Variants in CDH26 observed in about 807,000 individuals in gnomAD.
CDH26 encodes the protein cadherin 26.
Under a neutral mutation model 90.3 loss-of-function variants are expected in CDH26, and 83 were observed. That is an observed-to-expected ratio of 0.92 (90% CI 0.77 to 1.10). The LOEUF is 1.10. CDH26 is among the 50% of genes least tolerant of loss of function. The pLI, the probability that CDH26 is intolerant of heterozygous loss-of-function variation, is 0.00. For synonymous variants in CDH26, 397 were observed against 396.3 expected (o/e 1.00, Z -0.02); for missense variants, 1,013 against 1,037.6 (o/e 0.98, Z 0.33).
chr20:60,002,524 A>T (rs2061690520), intron 15 of CDH26, among the ~76,000 whole-genome samples: 1 of 152,060 alleles, frequency 6.6e-6, no homozygotes, highest in Non-Finnish European at 1.5e-5. Flanking sequence ...CTAGGAGTGG[A>T]TGTGTGTCAT....
At position 59,996,039 on chromosome 20, in the gene CDH26, T is replaced by A. The variant is rs1269462088; in HGVS notation, c.1873T>A (p.Phe625Ile). The change falls in exon 12 of 18, where the codon TTT (phenylalanine) becomes ATT (isoleucine). Residue 625 changes from phenylalanine to isoleucine, a missense_variant. By Grantham distance (21) the Phe-to-Ile change is conservative. Transcript: ENST00000348616. ...VGALFPVCAA[F>I]VALAVALLFL... The stretch of plus-strand genomic sequence containing the variant: ...GGCCCTGTTCCCTGTCTGTGCAGCA[T>A]TTGTGGCTCTGGCAGGTCAGTGGTC... 6.2e-7 allele frequency: 1 copy of A among 1,613,112 alleles called. No homozygotes were observed. The highest frequency in any genetic ancestry group is 1.1e-5 in the South Asian group (1 of 91,034).
chr20:59,963,252 ATTTTT>A (rs11086689), intron 1 of CDH26, among the ~76,000 whole-genome samples: 1 of 122,938 alleles, frequency 8.1e-6, no homozygotes, highest in Non-Finnish European at 1.6e-5. Context: ...GTAGATAAGG[ATTTTT>A]TTTTTTTTTT....
At chr20:60,005,876 C>A (rs1476941881) in intron 16 of CDH26, among the ~76,000 whole-genome samples, 2 of 152,160 alleles carry the variant, frequency 1.3e-5, no homozygotes, top group South Asian at 2.1e-4. Flanking sequence ...AGCCTCCCCC[C>A]ACCTCCCTAA....
At chr20:59,988,767 C>A in intron 8 of CDH26, 137 bp from the exon 9 acceptor site, 1 of 891,344 alleles carries the variant, frequency 1.1e-6, no homozygotes, top group Non-Finnish European at 1.7e-6. Flanking sequence ...GTCTTTTGAT[C>A]ATTATCAAAG....
intron 7 of CDH26, among the ~76,000 whole-genome samples, chr20:60,025,461 A>G (rs1206965773): frequency 2.0e-5 from 3 of 152,112 alleles, no homozygotes; most frequent in Non-Finnish European, 4.4e-5. Context: ...ATCCCTTTCC[A>G]CTGACCTCAC....
At chr20:60,032,022 G>A (rs1161889698) in intron 8 of CDH26, among the ~76,000 whole-genome samples, 1 of 152,164 alleles carries the variant, frequency 6.6e-6, no homozygotes, top group Non-Finnish European at 1.5e-5. Context: ...CCTAAGAATA[G>A]TAAAGAAAAA....
intron 16 of CDH26, among the ~76,000 whole-genome samples, chr20:60,005,452 GTC>G (rs1569056677): frequency 1.2e-4 from 16 of 136,132 alleles, no homozygotes; most frequent in African/African-American, 5.4e-4. Context: ...GTGTATGTTT[GTC>G]TGTATATGTG....
Position 60,002,878 on chromosome 20 carries a change from T to G in CDH26, c.2220+12T>G. Reference sequence around the variant, plus strand: ...TACACTCTACTCCTGTAAGTATAGATGTAGGTGTTACCGTGAACAAATTTA... The same window carrying G: ...TACACTCTACTCCTGTAAGTATAGAGGTAGGTGTTACCGTGAACAAATTTA... On this transcript the variant is annotated intron_variant, in intron 16 of 17. Transcript: ENST00000348616. 6.4e-7 allele frequency: 1 copy of G among 1,552,248 alleles called. No individual in the cohort carries two copies. Among genetic ancestry groups the G allele is most frequent in the Non-Finnish European group, 8.8e-7 (1 of 1,140,606 alleles).
Position 59,996,013 on chromosome 20 carries a change from G to T in CDH26, c.1847G>T (p.Gly616Val). The T allele has an allele frequency of 1.9e-6, 3 of 1,613,966 alleles. No individual in the cohort carries two copies. Among genetic ancestry groups the T allele is most frequent in the Non-Finnish European group, 2.5e-6 (3 of 1,180,026 alleles). Residue 616 changes from glycine (G) to valine (V), a missense_variant, in exon 12 of 18, where the codon GGG (glycine) becomes GTG (valine). Physicochemically the swap from Gly to Val is moderately radical, Grantham distance 109 (BLOSUM62 -3). Coordinates refer to ENST00000348616, the MANE Select transcript of CDH26 (RefSeq NM_177980.4). ...GATGCAGAAGTGGGGCTTCATGTGG[G>T]GGCCCTGTTCCCTGTCTGTGCAGCA... ...LADAEVGLHVGALFPVCAAFV... is the reference protein window; with the variant it reads ...LADAEVGLHVVALFPVCAAFV...
chr20:59,961,313 G>A (rs932296130), intron 1 of CDH26, among the ~76,000 whole-genome samples: 1 of 152,106 alleles, frequency 6.6e-6, no homozygotes, highest in African/African-American at 2.4e-5. Context: ...GTGGGCAGTG[G>A]GAATGGGTCT....
In CDH26 at chr20:59,994,236, C is replaced by T. The variant is rs184426574; in HGVS notation, c.1427-14C>T. ...ACGAGATAAACAACTCCTGAAACTTCCTCCCCATACAAGGCTTCCCACCGC... is the reference window on the plus strand; with the variant it reads ...ACGAGATAAACAACTCCTGAAACTTTCTCCCCATACAAGGCTTCCCACCGC... On this transcript the variant is annotated splice_polypyrimidine_tract_variant and intron_variant, in intron 10 of 17. Transcript: ENST00000348616. The T allele has an allele frequency of 2.0e-5, 32 of 1,613,634 alleles. No individual in the cohort carries two copies. In the African/African-American group the frequency reaches 3.2e-4, roughly 16 times the overall value.
At chr20:60,012,381 C>A (rs2061856564) in intron 17 of CDH26, 146 bp from the exon 18 acceptor site, 2 of 669,590 alleles carry the variant, frequency 3.0e-6, no homozygotes, top group Non-Finnish European at 4.9e-6. Flanking sequence ...ACTTCTGGAA[C>A]TGTACGAACT....
At chr20:60,002,896 C>G in intron 16 of CDH26, 30 bp downstream of exon 16, 3 of 1,471,534 alleles carry the variant, frequency 2.0e-6, no homozygotes, top group African/African-American at 2.8e-5. Flanking sequence ...TTACCGTGAA[C>G]AAATTTACCT....
intron 5 of CDH26, among the ~76,000 whole-genome samples, 177 bp from the exon 6 acceptor site, chr20:59,984,462 A>AT (rs952853862): frequency 4.6e-5 from 7 of 152,258 alleles, no homozygotes; most frequent in Non-Finnish European, 1.0e-4. Flanking sequence ...TCTTGATCTT[A>AT]TAACTAATTA....
In CDH26 at chr20:59,978,811, T is replaced by C. The variant is rs369760876; in HGVS notation, c.394-4112T>C. On this transcript the variant is annotated intron_variant, in intron 4 of 17. Coordinates refer to ENST00000348616, the MANE Select transcript of CDH26 (RefSeq NM_177980.4). ...GGAGAAAATAATTACAGAGAAAATA[T>C]AACATTCACTCTTCACTTATTAGAT... 9.2e-5 allele frequency among the ~76,000 whole-genome samples: 14 copies of C among 152,328 alleles called. No individual in the cohort carries two copies. The East Asian group carries it at 2.1e-3, about 23-fold the overall frequency.
chr20:60,025,274 G>C (rs1309359420), intron 7 of CDH26, among the ~76,000 whole-genome samples: 1 of 152,260 alleles, frequency 6.6e-6, no homozygotes, highest in Admixed American at 6.5e-5. Context: ...ATGCTTTAGA[G>C]TGATTGCCTC....
chr20:60,005,902 A>G (rs935177734), intron 16 of CDH26, among the ~76,000 whole-genome samples: 1 of 150,616 alleles, frequency 6.6e-6, no homozygotes, highest in African/African-American at 2.4e-5. Context: ...CCAGCACCCC[A>G]CCTCTTTGGG....
chr20:59,965,402 A>G (rs2061135077), intron 1 of CDH26, among the ~76,000 whole-genome samples: 1 of 152,240 alleles, frequency 6.6e-6, no homozygotes, highest in African/African-American at 2.4e-5. Context: ...AAAACAGGGA[A>G]ATTTTAAACA....
Position 59,971,493 on chromosome 20 carries a change from A to G in CDH26, c.232-469A>G, listed in dbSNP as rs1343533190. Reference sequence around the variant, plus strand: ...TGTGATCACTACTTCTCTTTCCTTCAAGGGATAATTGATATTAATAAATTG... The same window carrying G: ...TGTGATCACTACTTCTCTTTCCTTCGAGGGATAATTGATATTAATAAATTG... On this transcript the variant is annotated intron_variant, in intron 3 of 17. Coordinates refer to ENST00000348616, the MANE Select transcript of CDH26 (RefSeq NM_177980.4). 7.2e-5 allele frequency among the ~76,000 whole-genome samples: 11 copies of G among 152,320 alleles called. No homozygotes were observed. The South Asian group carries it at 2.1e-3, about 29-fold the overall frequency.
Sources: allele counts gnomAD v4.1 joint callset (sites outside exome capture counted in the v4.1 genomes callset), GRCh38; gene constraint gnomAD v4.1.1; transcripts MANE v1.5; gene names NCBI Gene and HGNC (gene_info 2026-07-23, HGNC 2026-07-21).